The following NDUFA12 variants were observed in gnomAD, a reference collection of about 807,000 sequenced individuals.
NDUFA12 encodes the protein NADH:ubiquinone oxidoreductase subunit A12.
A neutral mutation model predicts 20.3 loss-of-function variants in NDUFA12; 17 were observed. The ratio of observed to expected loss-of-function variants is 0.84; its 90% CI spans 0.57 to 1.26. The LOEUF (loss-of-function observed/expected upper bound fraction) is 1.26. NDUFA12 is among the 50% of genes most tolerant of loss of function. NDUFA12 has a pLI of 0.00. For missense variants in NDUFA12, 191 were observed against 183.7 expected (o/e 1.04, Z -0.23); for synonymous variants, 72 against 63.6 (o/e 1.13, Z -0.63).
At chr12:95,003,515 C>A in intron 1 of NDUFA12, 80 bp downstream of exon 1, 1 of 1,455,882 alleles carries the variant, frequency 6.9e-7, no homozygotes, top group South Asian at 1.1e-5. Flanking sequence ...CCAAGGTGAC[C>A]CGAGCCTGGG....
At chr12:94,987,975 G>A (rs540288069) in intron 3 of NDUFA12, among the ~76,000 whole-genome samples, 9 of 152,100 alleles carry the variant, frequency 5.9e-5, no homozygotes, top group South Asian at 4.2e-4. Flanking sequence ...CTGCACAAAC[G>A]TTGTTAAATT....
intron 2 of NDUFA12, among the ~76,000 whole-genome samples, chr12:95,001,335 T>C (rs935812416): frequency 1.3e-5 from 2 of 151,126 alleles, no homozygotes; most frequent in Admixed American, 6.6e-5. Context: ...ACAAAAATGC[T>C]GTGGCCAGGC....
chr12:94,971,517 G>C lies in NDUFA12; in HGVS notation c.361C>G (p.Pro121Ala), dbSNP rs1873885537. ...GTAGAATAAGGTACATATTGTTCTG[G>C]GGTGCCAGTCACGTTGAATTTATGG... Reference protein sequence around the residue: ...TNHKFNVTGTPEQYVPYSTTR... With the variant: ...TNHKFNVTGTAEQYVPYSTTR... The change falls in exon 4 of 4, where the codon CCA becomes GCA. Residue 121 changes from proline to alanine, a missense_variant. Pro to Ala is a conservative substitution (Grantham distance 27). Coordinates refer to ENST00000327772, the MANE Select transcript of NDUFA12 (RefSeq NM_018838.5). 1 of 1,614,140 alleles carries C rather than the reference G, an allele frequency of 6.2e-7. No individual in the cohort carries two copies. The highest frequency in any genetic ancestry group is 8.5e-7 in the Non-Finnish European group (1 of 1,180,016).
intron 2 of NDUFA12, among the ~76,000 whole-genome samples, chr12:94,994,579 T>C (rs1212993735): frequency 2.0e-5 from 3 of 152,200 alleles, no homozygotes; most frequent in African/African-American, 7.2e-5. Context: ...GAAAGTGTGT[T>C]CCCAGATGTA....
At chr12:94,980,499 TAAAC>T (rs780538514) in intron 3 of NDUFA12, among the ~76,000 whole-genome samples, 7 of 152,238 alleles carry the variant, frequency 4.6e-5, no homozygotes, top group Non-Finnish European at 1.0e-4. Flanking sequence ...TTAAGCATCT[TAAAC>T]AAATTGGCCT....
In NDUFA12 at chr12:94,971,654, A is replaced by C. The variant is rs745384597; in HGVS notation, c.258-34T>G. On this transcript the variant is annotated intron_variant, in intron 3 of 3. Coordinates refer to ENST00000327772, the MANE Select transcript of NDUFA12 (RefSeq NM_018838.5). ...GGGGAAAAAACCCAAACAGTTATGA[A>C]GAGGCAGTACAGCATAGTGGAAGGA... 10 of 1,612,330 alleles carry C rather than the reference A, an allele frequency of 6.2e-6. No homozygotes were observed. In the South Asian group the frequency reaches 1.1e-4, roughly 18 times the overall value.
intron 3 of NDUFA12, among the ~76,000 whole-genome samples, chr12:94,982,900 A>C (rs776206539): frequency 1.3e-4 from 20 of 152,272 alleles, no homozygotes; most frequent in Middle Eastern, 3.4e-3. Context: ...TGAAGGTCAT[A>C]TTCTCCTAAC....
Position 94,982,440 on chromosome 12 carries a change from AT to A in NDUFA12, c.258-10821del, listed in dbSNP as rs1009526493. 3.4e-4 allele frequency among the ~76,000 whole-genome samples: 52 copies of A among 150,944 alleles called. 1 individual carries two copies. The highest frequency in any genetic ancestry group is 6.3e-4 in the South Asian group (3 of 4,752). ...AGGCGACCGCCACTAGGCCCGGCTA[AT>A]TTTTTTTTGTAGTTTAAGTGGAGAC... On this transcript the variant is annotated intron_variant, in intron 3 of 3. Transcript: ENST00000327772.
intron 2 of NDUFA12, among the ~76,000 whole-genome samples, chr12:95,000,591 T>C (rs957032767): frequency 2.0e-5 from 3 of 152,230 alleles, no homozygotes; most frequent in African/African-American, 7.2e-5. Flanking sequence ...ATATTATTAT[T>C]ATTCTACTTT....
At chr12:95,001,890 C>T (rs986265787) in intron 2 of NDUFA12, among the ~76,000 whole-genome samples, 3 of 151,466 alleles carry the variant, frequency 2.0e-5, no homozygotes, top group African/African-American at 4.8e-5. Context: ...TTTTTAGTAG[C>T]GACTGGGTTT....
chr12:94,980,605 T>C (rs1264594612), intron 3 of NDUFA12, among the ~76,000 whole-genome samples: 1 of 152,158 alleles, frequency 6.6e-6, no homozygotes, highest in Non-Finnish European at 1.5e-5. Context: ...AAAGAAACCC[T>C]TTACCATACA....
At chr12:94,984,469 C>T (rs1236387657) in intron 3 of NDUFA12, among the ~76,000 whole-genome samples, 5 of 151,624 alleles carry the variant, frequency 3.3e-5, no homozygotes, top group African/African-American at 1.2e-4. Flanking sequence ...GCGGAGGTTG[C>T]GGTTGAGCTG....
chr12:95,002,468 C>T (rs6538587), intron 2 of NDUFA12, among the ~76,000 whole-genome samples: 8 of 125,742 alleles, frequency 6.4e-5, no homozygotes, highest in South Asian at 2.5e-4. Context: ...AAAAAAAGAA[C>T]AAAAACACTT....
intron 3 of NDUFA12, among the ~76,000 whole-genome samples, chr12:94,976,579 C>T (rs759712331): frequency 3.3e-5 from 5 of 152,150 alleles, no homozygotes; most frequent in Admixed American, 2.0e-4. Context: ...ACATAATACT[C>T]GGCACACAGC....
intron 3 of NDUFA12, among the ~76,000 whole-genome samples, chr12:94,976,342 G>A (rs1874063682): frequency 6.6e-6 from 1 of 152,090 alleles, no homozygotes; most frequent in Admixed American, 6.5e-5. Flanking sequence ...GAATATATAT[G>A]CATAGAAATC....
intron 2 of NDUFA12, among the ~76,000 whole-genome samples, chr12:94,996,256 G>T (rs1565819082): frequency 6.6e-6 from 1 of 151,642 alleles, no homozygotes; most frequent in East Asian, 2.0e-4. Flanking sequence ...ACTATTGAAA[G>T]AGTTGCAAAA....
In NDUFA12 at chr12:94,971,563, A is replaced by G; in HGVS notation, c.315T>C (p.Ala105=). 6.2e-7 allele frequency: 1 copy of G among 1,614,174 alleles called. No individual in the cohort carries two copies. Among genetic ancestry groups the G allele is most frequent in the Non-Finnish European group, 8.5e-7 (1 of 1,180,034 alleles). ...DDPPTTKPLT[A]RKFIWTNHKF... is the part of the protein sequence containing the mutation. ...TATGGTTCGTCCAAATGAATTTACGAGCAGTAAGTGGTTTTGTTGTTGGAG... is the reference window on the plus strand; with the variant it reads ...TATGGTTCGTCCAAATGAATTTACGGGCAGTAAGTGGTTTTGTTGTTGGAG... The change falls in exon 4 of 4, where the codon GCT becomes GCC. Residue 105 remains alanine (A), a synonymous_variant. Transcript: ENST00000327772.
chr12:94,980,961 C>T (rs991720155), intron 3 of NDUFA12, among the ~76,000 whole-genome samples: 5 of 152,098 alleles, frequency 3.3e-5, no homozygotes, highest in African/African-American at 1.2e-4. Flanking sequence ...TACTTTTCTA[C>T]ACTAATTCTA....
chr12:94,972,544 G>A (rs1490992310), intron 3 of NDUFA12: 2 of 421,092 alleles, frequency 4.7e-6, no homozygotes, highest in Non-Finnish European at 9.8e-6. Flanking sequence ...GTAAACACTA[G>A]AGAATATGCA....
Sources: allele counts gnomAD v4.1 joint callset (sites outside exome capture counted in the v4.1 genomes callset), GRCh38; gene constraint gnomAD v4.1.1; transcripts MANE v1.5; gene names NCBI Gene and HGNC (gene_info 2026-07-23, HGNC 2026-07-21).